Variants in RAPGEF2 observed in about 807,000 individuals in gnomAD.
The protein encoded by RAPGEF2 is Rap guanine nucleotide exchange factor 2.
In RAPGEF2, 54 loss-of-function variants were observed where a neutral mutation model predicts 186.7. The observed-to-expected ratio is 0.29, with a 90% CI of 0.23 to 0.36. The LOEUF (loss-of-function observed/expected upper bound fraction) is 0.36. Among genes scored for constraint, RAPGEF2 ranks in the 10% least tolerant of loss-of-function variants. RAPGEF2 has a pLI of 1.00. For missense variants in RAPGEF2, 1,532 were observed against 2,045.0 expected, an observed-to-expected ratio of 0.75 and a Z score of 4.84; for synonymous variants, 712 against 705.9, an observed-to-expected ratio of 1.01 and a Z score of -0.14.
chr4:159,208,282 A>G (rs1750171607), intron 3 of RAPGEF2, among the ~76,000 whole-genome samples: 1 of 152,256 alleles, frequency 6.6e-6, no homozygotes, highest in Non-Finnish European at 1.5e-5. Context: ...AAAACTTTTT[A>G]ATGTCACAAT....
Position 159,339,261 on chromosome 4 carries a change from G to A in RAPGEF2, c.2441G>A (p.Cys814Tyr). 6.2e-7 allele frequency: 1 copy of A among 1,614,116 alleles called. No individual in the cohort carries two copies. The highest frequency in any genetic ancestry group is 8.5e-7 in the Non-Finnish European group (1 of 1,179,996). Residue 814 changes from cysteine (C) to tyrosine (Y), a missense_variant, in exon 19 of 30, where the codon TGT (cysteine) becomes TAT (tyrosine). Physicochemically the swap from Cys to Tyr is radical, Grantham distance 194 (BLOSUM62 -2). Coordinates refer to ENST00000691494, the MANE Select transcript of RAPGEF2 (RefSeq NM_001394067.2). ...GCCACCCCGGATCAATATTCACTAT[G>A]TGAGGTCTCTGTCACACCTGAGGGA... ...VTATPDQYSL[C>Y]EVSVTPEGVI...
At chr4:159,267,022 G>A in intron 7 of RAPGEF2, 1 of 387,754 alleles carries the variant, frequency 2.6e-6, no homozygotes, top group South Asian at 2.6e-5. Context: ...TGGTTAAGTA[G>A]AGGAGGGGGC....
chr4:159,221,575 C>T (rs1185228340), intron 4 of RAPGEF2, among the ~76,000 whole-genome samples: 3 of 152,158 alleles, frequency 2.0e-5, no homozygotes, highest in African/African-American at 7.2e-5. Context: ...TAAAAACTAT[C>T]CTTCTAAGGA....
chr4:159,246,156 G>A (rs4283616), intron 7 of RAPGEF2, among the ~76,000 whole-genome samples: 93,604 of 151,998 alleles, frequency 0.62, 29,991 homozygotes, highest in African/African-American at 0.74. Flanking sequence ...CTTTTCTACA[G>A]TGTGAATATA....
At chr4:159,198,503 T>C (rs927097311) in intron 3 of RAPGEF2, among the ~76,000 whole-genome samples, 9 of 151,734 alleles carry the variant, frequency 5.9e-5, no homozygotes, top group African/African-American at 2.2e-4. Flanking sequence ...TGGAGTGCAG[T>C]GGCACGATCT....
intron 7 of RAPGEF2, among the ~76,000 whole-genome samples, chr4:159,293,101 T>C (rs942492838): frequency 3.3e-5 from 5 of 152,182 alleles, no homozygotes; most frequent in Non-Finnish European, 7.4e-5. Flanking sequence ...ATATACAAAA[T>C]TTGTGTGCTT....
chr4:159,356,844 T>G (rs542577739), intron 29 of RAPGEF2, among the ~76,000 whole-genome samples: 40 of 152,208 alleles, frequency 2.6e-4, no homozygotes, highest in African/African-American at 9.1e-4. Flanking sequence ...GAGGTTGCAG[T>G]GAGCCAACAA....
intron 17 of RAPGEF2, among the ~76,000 whole-genome samples, chr4:159,337,475 A>G (rs113023421): frequency 0.012 from 1,762 of 152,310 alleles, 28 homozygotes; most frequent in African/African-American, 0.039. Flanking sequence ...AGTTAAATGT[A>G]TTCTTTTTAA....
intron 1 of RAPGEF2, among the ~76,000 whole-genome samples, chr4:159,186,308 C>G (rs897427177): frequency 2.0e-5 from 3 of 151,852 alleles, no homozygotes; most frequent in African/African-American, 7.3e-5. Context: ...ATGGTATTGA[C>G]AAATATACTG....
chr4:159,229,589 T>C (rs1313749366), intron 4 of RAPGEF2: 1 of 152,218 alleles, frequency 6.6e-6, no homozygotes. Flanking sequence ...GAAAGTTTTG[T>C]TTTCTCTATA....
rs11337410 is a variant in RAPGEF2 at position 159,358,672 on chromosome 4, T to TAA, written c.*544_*545dup. 1,305 of 150,550 alleles carry TAA rather than the reference T, an allele frequency of 8.7e-3. 14 individuals carry two copies. The highest frequency in any genetic ancestry group is 0.029 in the African/African-American group (1,182 of 40,842). 9.3% of individuals were successfully genotyped at this position (150,550 alleles called of 1,614,324 possible). A position where few individuals can be genotyped will look rare whatever the true frequency, so the allele number is the denominator to read the frequency against. On this transcript the variant is annotated 3_prime_UTR_variant, in exon 30 of 30. Coordinates refer to ENST00000691494, the MANE Select transcript of RAPGEF2 (RefSeq NM_001394067.2). ...CCACTTGTTTACAATGTCCTCCTTTTAAAAAAAAAAAATGAGTTTAAAGAT... is the reference window on the plus strand; with the variant it reads ...CCACTTGTTTACAATGTCCTCCTTTTAAAAAAAAAAAAAATGAGTTTAAAGAT...
At chr4:159,347,037 A>C in intron 25 of RAPGEF2, 39 bp downstream of exon 25, 1 of 1,557,824 alleles carries the variant, frequency 6.4e-7, no homozygotes, top group Non-Finnish European at 8.8e-7. Flanking sequence ...GGTGCCATTC[A>C]CTGTCATGGT....
chr4:159,243,843 A>G, intron 7 of RAPGEF2, 52 bp downstream of exon 7: 1 of 1,157,290 alleles, frequency 8.6e-7, no homozygotes. Context: ...TTACGTGTGA[A>G]TTTGCACTGT....
At chr4:159,117,605 A>G (rs1456004722) in intron 1 of RAPGEF2, among the ~76,000 whole-genome samples, 2 of 151,812 alleles carry the variant, frequency 1.3e-5, no homozygotes, top group Non-Finnish European at 2.9e-5. Flanking sequence ...TCGTAGTTAC[A>G]AATTCATATC....
intron 1 of RAPGEF2, among the ~76,000 whole-genome samples, chr4:159,170,837 G>A: frequency 6.8e-6 from 1 of 147,412 alleles, no homozygotes; most frequent in Admixed American, 6.9e-5. Context: ...ACGGTTCCAG[G>A]TCTTACGTTT....
intron 24 of RAPGEF2, 79 bp from the exon 25 acceptor site, chr4:159,346,710 A>G (rs1479741984): frequency 1.2e-5 from 14 of 1,203,474 alleles, no homozygotes; most frequent in Admixed American, 6.3e-5. Flanking sequence ...AAATGCTCAC[A>G]CAGTTCTAGA....
chr4:159,191,578 A>C (rs1232363453), intron 2 of RAPGEF2, among the ~76,000 whole-genome samples: 1 of 152,126 alleles, frequency 6.6e-6, no homozygotes, highest in Non-Finnish European at 1.5e-5. Flanking sequence ...GTCTCTACTA[A>C]AAATACAAAA....
intron 4 of RAPGEF2, among the ~76,000 whole-genome samples, chr4:159,231,002 T>C (rs1460471975): frequency 6.6e-6 from 1 of 152,186 alleles, no homozygotes. Context: ...AATAATATTA[T>C]GTAGTCATGC....
At chr4:159,297,088 A>G (rs780946225) in intron 7 of RAPGEF2, among the ~76,000 whole-genome samples, 3 of 152,204 alleles carry the variant, frequency 2.0e-5, no homozygotes, top group Non-Finnish European at 4.4e-5. Flanking sequence ...TTCAGTAGCT[A>G]ATTCCACCAC....
Sources: gnomAD v4.1 joint callset for allele counts (sites outside exome capture counted in the v4.1 genomes callset) on GRCh38, gnomAD v4.1.1 for gene constraint, MANE v1.5 for transcripts, NCBI Gene and HGNC (gene_info 2026-07-23, HGNC 2026-07-21) for gene names.